Variants in MDFIC observed in about 807,000 individuals in gnomAD.
MDFIC encodes MyoD family inhibitor domain containing.
Under a neutral mutation model 23.2 loss-of-function variants are expected in MDFIC, and 17 were observed. The ratio of observed to expected loss-of-function variants is 0.73; its 90% confidence interval spans 0.50 to 1.10. The LOEUF (loss-of-function observed/expected upper bound fraction) is 1.10, where lower values mean the gene tolerates loss of function less well. Ranked by LOEUF, MDFIC falls within the 50% of genes least tolerant of loss-of-function variation. MDFIC has a pLI of 0.00. For missense variants in MDFIC, 356 were observed against 316.6 expected (o/e 1.12, Z -0.95); for synonymous variants, 120 against 115.2 (o/e 1.04, Z -0.27).
At chr7:114,935,903 C>T (rs945817746) in intron 2 of MDFIC, among the ~76,000 whole-genome samples, 1 of 152,128 alleles carries the variant, frequency 6.6e-6, no homozygotes. Context: ...ACTGCCCTCA[C>T]CAGCCTCCTT....
At chr7:114,970,898 A>G (rs1038758216) in intron 3 of MDFIC, among the ~76,000 whole-genome samples, 1 of 152,180 alleles carries the variant, frequency 6.6e-6, no homozygotes, top group Non-Finnish European at 1.5e-5. Flanking sequence ...GCTGAACTTC[A>G]GTTCTTCCTC....
chr7:114,932,007 G>A (rs1023973290), intron 2 of MDFIC, among the ~76,000 whole-genome samples: 1 of 152,102 alleles, frequency 6.6e-6, no homozygotes, highest in Admixed American at 6.5e-5. Flanking sequence ...AAACGCAGAC[G>A]CTGCTTTTGG....
intron 4 of MDFIC, among the ~76,000 whole-genome samples, chr7:114,986,232 A>G (rs919778322): frequency 3.3e-5 from 5 of 151,972 alleles, no homozygotes; most frequent in Non-Finnish European, 7.4e-5. Flanking sequence ...TCTGAGGTCT[A>G]TGACCTTTCT....
chr7:114,989,161 G>T (rs188723784), intron 4 of MDFIC, among the ~76,000 whole-genome samples: 102 of 152,322 alleles, frequency 6.7e-4, no homozygotes, highest in African/African-American at 2.4e-3. Context: ...GGGGGAGACA[G>T]ACTGGAGATA....
intron 4 of MDFIC, among the ~76,000 whole-genome samples, chr7:114,992,091 T>A (rs1791181657): frequency 6.6e-6 from 1 of 152,228 alleles, no homozygotes; most frequent in African/African-American, 2.4e-5. Flanking sequence ...GATTCCTAGG[T>A]ATTTTCTTCT....
chr7:114,983,621 G>A (rs1183443565), intron 4 of MDFIC, among the ~76,000 whole-genome samples: 2 of 141,356 alleles, frequency 1.4e-5, no homozygotes, highest in Non-Finnish European at 3.0e-5. Flanking sequence ...AGGCTGGAGT[G>A]CGATGGTGCG....
intron 4 of MDFIC, among the ~76,000 whole-genome samples, chr7:114,980,316 G>A (rs1793395845): frequency 6.6e-6 from 1 of 152,112 alleles, no homozygotes; most frequent in Non-Finnish European, 1.5e-5. Context: ...GCCAGCACCT[G>A]CAACCATCTC....
rs73445417 is a variant in MDFIC, at chr7:114,980,091, A to T, written c.493+310A>T. 1,039 of 368,692 alleles carry T rather than the reference A, an allele frequency of 2.8e-3. 6 individuals are homozygous for T. Among genetic ancestry groups the T allele is most frequent in the African/African-American group, 0.019 (916 of 47,890 alleles). 22.8% of individuals were successfully genotyped at this position (368,692 alleles called of 1,614,324 possible). ...ATACAACATTTTGATGGCATACATG[A>T]GTGTGTGTGTGTATTTTTATCCCTC... On this transcript the variant is annotated intron_variant, in intron 4 of 4. Coordinates refer to ENST00000393486, the MANE Select transcript of MDFIC (RefSeq NM_001166345.3).
At chr7:115,010,033 A>C (rs1220827473) in intron 4 of MDFIC, among the ~76,000 whole-genome samples, 1 of 151,816 alleles carries the variant, frequency 6.6e-6, no homozygotes, top group Non-Finnish European at 1.5e-5. Flanking sequence ...AACTGTAAAT[A>C]ATGACTGAAT....
chr7:114,956,383 A>G (rs1792885780), intron 3 of MDFIC, among the ~76,000 whole-genome samples: 1 of 151,786 alleles, frequency 6.6e-6, no homozygotes, highest in Non-Finnish European at 1.5e-5. Flanking sequence ...ACACACACAT[A>G]TATATACACA....
Position 114,922,987 on chromosome 7 carries a change from G to C in MDFIC, c.-47G>C. 6.5e-7 allele frequency: 1 copy of C among 1,530,578 alleles called. No individual in the cohort carries two copies. 94.8% of individuals were successfully genotyped at this position (1,530,578 alleles called of 1,614,324 possible). On this transcript the variant is annotated 5_prime_UTR_variant, in exon 2 of 5. Coordinates refer to ENST00000393486, the MANE Select transcript of MDFIC (RefSeq NM_001166345.3). ...CCTTCCTCCGTGCGCCCTGCCGGGCGGCGAGCTAGGCGGCAGCGGCGCGGC... is the reference window on the plus strand; with the variant it reads ...CCTTCCTCCGTGCGCCCTGCCGGGCCGCGAGCTAGGCGGCAGCGGCGCGGC...
At chr7:114,964,250 A>G (rs1044415614) in intron 3 of MDFIC, among the ~76,000 whole-genome samples, 1 of 152,118 alleles carries the variant, frequency 6.6e-6, no homozygotes, top group South Asian at 2.1e-4. Context: ...TGTGCATGGG[A>G]TGGTTTATAG....
intron 4 of MDFIC, among the ~76,000 whole-genome samples, chr7:115,010,769 C>T (rs1336181810): frequency 2.6e-5 from 4 of 152,110 alleles, no homozygotes; most frequent in Non-Finnish European, 4.4e-5. Context: ...CAGTCCTTAA[C>T]GTTTATGTTT....
chr7:115,015,611 AT>A, intron 4 of MDFIC, 76 bp from the exon 5 acceptor site: 2 of 1,537,564 alleles, frequency 1.3e-6, no homozygotes, highest in South Asian at 1.3e-5. Flanking sequence ...CTCAATTCTT[AT>A]TGAGTCAATT....
chr7:114,932,191 G>C (rs2709512), intron 2 of MDFIC, among the ~76,000 whole-genome samples: 1,731 of 152,224 alleles, frequency 0.011, 33 homozygotes, highest in African/African-American at 0.04. Context: ...AACTCTATCA[G>C]TTTTTCACCA....
intron 2 of MDFIC, among the ~76,000 whole-genome samples, chr7:114,933,642 C>A (rs1792371816): frequency 6.6e-6 from 1 of 152,148 alleles, no homozygotes; most frequent in South Asian, 2.1e-4. Context: ...GGCAATCAGA[C>A]AACCTCTTTC....
At chr7:114,928,966 C>T (rs766076179) in intron 2 of MDFIC, among the ~76,000 whole-genome samples, 12 of 152,086 alleles carry the variant, frequency 7.9e-5, no homozygotes, top group Non-Finnish European at 1.6e-4. Context: ...ACTTATTCAT[C>T]TTTGAAACTC....
chr7:114,929,052 T>TAAATATAGATATAGATCTATAGAG (rs1792253623), intron 2 of MDFIC, among the ~76,000 whole-genome samples: 1 of 145,764 alleles, frequency 6.9e-6, no homozygotes, highest in Non-Finnish European at 1.5e-5. Flanking sequence ...GATCTATAGA[T>TAAATATAGATATAGATCTATAGAG]AAATATAGAT....
At chr7:114,998,240 C>T (rs1791383550) in intron 4 of MDFIC, among the ~76,000 whole-genome samples, 1 of 151,934 alleles carries the variant, frequency 6.6e-6, no homozygotes, top group South Asian at 2.1e-4. Flanking sequence ...GTATACATAG[C>T]GAAAAATAGT....
Sources: allele counts gnomAD v4.1 joint callset (sites outside exome capture counted in the v4.1 genomes callset), GRCh38; gene constraint gnomAD v4.1.1; transcripts MANE v1.5; gene names NCBI Gene and HGNC (gene_info 2026-07-23, HGNC 2026-07-21).